INPP4B: variants seen among roughly 807,000 people sequenced by gnomAD.
INPP4B encodes inositol polyphosphate 4-phosphatase type II.
INPP4B carries 55 observed loss-of-function variants against 122.5 expected under a neutral mutation model. The observed-to-expected ratio is 0.45, with a 90% confidence interval of 0.36 to 0.56. The LOEUF (loss-of-function observed/expected upper bound fraction) is 0.56. INPP4B is among the 20% of genes least tolerant of loss of function. The probability of loss-of-function intolerance (pLI) is 0.00; values close to 1 mark genes in which losing one functional copy is unlikely to be tolerated. For missense variants in INPP4B, 1,000 were observed against 1,097.7 expected (o/e 0.91, Z 1.26); for synonymous variants, 403 against 388.7 (o/e 1.04, Z -0.43).
intron 5 of INPP4B, among the ~76,000 whole-genome samples, chr4:142,408,499 G>C (rs1803926808): frequency 6.6e-6 from 1 of 152,138 alleles, no homozygotes; most frequent in Non-Finnish European, 1.5e-5. Context: ...GTTGCAGTGA[G>C]CTGAGATCAC....
intron 15 of INPP4B, 128 bp downstream of exon 15, chr4:142,192,959 C>G (rs1266840823): frequency 3.6e-6 from 2 of 557,176 alleles, no homozygotes; most frequent in Non-Finnish European, 6.5e-6. Flanking sequence ...TTTAACAACT[C>G]TATGTTACTA....
chr4:142,651,679 C>T (rs13129274), intron 2 of INPP4B, among the ~76,000 whole-genome samples: 118,191 of 151,988 alleles, frequency 0.78, 46,623 homozygotes, highest in East Asian at 0.85. Flanking sequence ...AGGAAGAAAT[C>T]GAATCTCTGA....
chr4:142,339,354 T>C lies in INPP4B; in HGVS notation c.373-24592A>G, dbSNP rs1008685556. Among the ~76,000 whole-genome samples the C allele has an allele frequency of 4.6e-5, 7 of 152,346 alleles. No homozygotes were observed. In the East Asian group the frequency reaches 9.6e-4, roughly 21 times the overall value. On this transcript the variant is annotated intron_variant, in intron 7 of 25. Transcript: ENST00000262992. ...CAAAACAAAGCATTAAGGTAGATTA[T>C]TGTAAGTGCTGCTTTCCTAGGCTCA...
At chr4:142,153,501 CA>C (rs1815490289) in intron 17 of INPP4B, among the ~76,000 whole-genome samples, 1 of 152,106 alleles carries the variant, frequency 6.6e-6, no homozygotes, top group Non-Finnish European at 1.5e-5. Flanking sequence ...TCATTATACA[CA>C]GGCACATCAA....
At position 142,805,667 on chromosome 4, in the gene INPP4B, G is replaced by T. The variant is rs1778590007; in HGVS notation, c.-254+40542C>A. 2.0e-5 allele frequency among the ~76,000 whole-genome samples: 3 copies of T among 152,230 alleles called. No individual in the cohort carries two copies. The South Asian group carries it at 6.2e-4, about 32-fold the overall frequency. On this transcript the variant is annotated intron_variant, in intron 1 of 25. Transcript: ENST00000262992. ...ATGATGACCCACTTCCACTTAGTGA[G>T]TAATAAGTATATTTTCTCTTGTGAT...
intron 21 of INPP4B, among the ~76,000 whole-genome samples, chr4:142,117,905 G>A (rs1013834497): frequency 2.6e-5 from 4 of 152,140 alleles, no homozygotes. Context: ...CATCGTCTAA[G>A]CCCAAAATTT....
intron 2 of INPP4B, among the ~76,000 whole-genome samples, chr4:142,573,589 T>C (rs1733278055): frequency 6.6e-6 from 1 of 152,108 alleles, no homozygotes; most frequent in African/African-American, 2.4e-5. Flanking sequence ...TCTGTCAGCT[T>C]CCCACCCTCA....
intron 1 of INPP4B, among the ~76,000 whole-genome samples, chr4:142,752,331 G>A (rs1013495039): frequency 2.0e-5 from 3 of 152,070 alleles, no homozygotes; most frequent in African/African-American, 7.2e-5. Flanking sequence ...AGCTGTCCTG[G>A]CAATCCTCTC....
chr4:142,251,383 G>C (rs1453105733), intron 11 of INPP4B, among the ~76,000 whole-genome samples: 1 of 152,046 alleles, frequency 6.6e-6, no homozygotes, highest in Non-Finnish European at 1.5e-5. Flanking sequence ...ATAAATTATG[G>C]TTTATGAACA....
chr4:142,509,563 T>A (rs1482899115), intron 2 of INPP4B, among the ~76,000 whole-genome samples: 1 of 152,204 alleles, frequency 6.6e-6, no homozygotes, highest in Admixed American at 6.5e-5. Flanking sequence ...GAACTCATCC[T>A]TTTTTAGGGC....
At chr4:142,713,514 A>G (rs1432548597) in intron 2 of INPP4B, among the ~76,000 whole-genome samples, 1 of 152,226 alleles carries the variant, frequency 6.6e-6, no homozygotes, top group Non-Finnish European at 1.5e-5. Flanking sequence ...AAGCAGAAAC[A>G]GAGAAGTCTA....
At chr4:142,206,718 C>G (rs543119984) in intron 14 of INPP4B, among the ~76,000 whole-genome samples, 4 of 151,986 alleles carry the variant, frequency 2.6e-5, no homozygotes, top group Non-Finnish European at 5.9e-5. Flanking sequence ...ATTACCACGA[C>G]TTATGCCATA....
chr4:142,024,915 T>C lies in INPP4B; in HGVS notation c.*3867A>G, dbSNP rs914203604. Reference sequence around the variant, plus strand: ...AAAAGGTGATTTAATAATTTAATTATGAATAAAATATAGTCATCAAATATG... The same window carrying C: ...AAAAGGTGATTTAATAATTTAATTACGAATAAAATATAGTCATCAAATATG... On this transcript the variant is annotated 3_prime_UTR_variant, in exon 26 of 26. Transcript: ENST00000262992. 1.2e-4 allele frequency: 19 copies of C among 152,150 alleles called. No homozygotes were observed. Among genetic ancestry groups the C allele is most frequent in the African/African-American group, 4.8e-5 (2 of 41,444 alleles). The allele number at this position is 152,150 out of a possible 1,614,324, so 9.4% of individuals were successfully genotyped here.
chr4:142,734,916 A>C lies in INPP4B; in HGVS notation c.-253-9015T>G, dbSNP rs1191569337. Among the ~76,000 whole-genome samples the C allele has an allele frequency of 2.0e-5, 3 of 152,182 alleles. No individual in the cohort carries two copies. In the East Asian group the frequency reaches 5.8e-4, roughly 29 times the overall value. On this transcript the variant is annotated intron_variant, in intron 1 of 25. Coordinates refer to ENST00000262992, the MANE Select transcript of INPP4B (RefSeq NM_001101669.3). ...TGCCTCAGCCTCCCAAAGTGCTTGG[A>C]TTACAGGCATTAGCCACCATGCCTG... is the stretch of plus-strand genomic sequence containing the variant.
intron 1 of INPP4B, among the ~76,000 whole-genome samples, chr4:142,817,363 A>G (rs1780231606): frequency 6.6e-6 from 1 of 152,196 alleles, no homozygotes; most frequent in African/African-American, 2.4e-5. Flanking sequence ...ATGAGTTTCC[A>G]TCAGACAAGT....
intron 2 of INPP4B, among the ~76,000 whole-genome samples, chr4:142,661,710 A>T (rs900111456): frequency 6.6e-6 from 1 of 152,230 alleles, no homozygotes; most frequent in Non-Finnish European, 1.5e-5. Context: ...TTTCAACCTC[A>T]TTCAGATATA....
intron 2 of INPP4B, among the ~76,000 whole-genome samples, chr4:142,606,101 G>T (rs1267119943): frequency 6.6e-6 from 1 of 151,934 alleles, no homozygotes; most frequent in African/African-American, 2.4e-5. Flanking sequence ...GCAGCAACAT[G>T]GATGGAACTG....
chr4:142,806,030 C>T (rs1778636459), intron 1 of INPP4B, among the ~76,000 whole-genome samples: 1 of 152,006 alleles, frequency 6.6e-6, no homozygotes, highest in African/African-American at 2.4e-5. Context: ...CCTGTAATCC[C>T]AGACTTTGGG....
chr4:142,457,729 C>G (rs1054561429), intron 3 of INPP4B, among the ~76,000 whole-genome samples: 4 of 152,248 alleles, frequency 2.6e-5, no homozygotes, highest in Non-Finnish European at 5.9e-5. Context: ...AGTATAGTTA[C>G]TTTGGGAAAA....
Sources: gnomAD v4.1 joint callset for allele counts (sites outside exome capture counted in the v4.1 genomes callset) on GRCh38, gnomAD v4.1.1 for gene constraint, MANE v1.5 for transcripts, NCBI Gene and HGNC (gene_info 2026-07-23, HGNC 2026-07-21) for gene names.